PRAME: variants seen among roughly 807,000 people sequenced by gnomAD.
PRAME encodes melanoma antigen preferentially expressed in tumors.
Under a neutral mutation model 32.1 loss-of-function variants are expected in PRAME, and 21 were observed. The ratio of observed to expected loss-of-function variants is 0.65; its 90% CI spans 0.46 to 0.94. The LOEUF (loss-of-function observed/expected upper bound fraction) is 0.94, where lower values mean the gene tolerates loss of function less well. PRAME is among the 40% of genes least tolerant of loss of function. The pLI, the probability that PRAME is intolerant of heterozygous loss-of-function variation, is 0.00. For synonymous variants in PRAME, 274 were observed against 251.5 expected, an observed-to-expected ratio of 1.09 and a Z score of -0.85; for missense variants, 651 against 622.3, an observed-to-expected ratio of 1.05 and a Z score of -0.49.
Position 22,551,076 on chromosome 22 carries a change from CTCTGA to C in PRAME, c.30_34del (p.Ile10MetfsTer27). On this transcript the variant is annotated frameshift_variant, in exon 4 of 6. Coordinates refer to ENST00000405655, the MANE Select transcript of PRAME (RefSeq NM_206956.3). LOFTEE classifies it high-confidence loss of function. ...CCACACACTCATGCTGATGTATCGGCTCTGAATGGAACCCTGAGGAAACATACAGG... is the reference window on the plus strand; with the variant it reads ...CCACACACTCATGCTGATGTATCGGCATGGAACCCTGAGGAAACATACAGG... 6.3e-7 allele frequency: 1 copy of C among 1,578,160 alleles called. No individual in the cohort carries two copies. The highest frequency in any genetic ancestry group is 8.6e-7 in the Non-Finnish European group (1 of 1,157,946).
chr22:22,550,700 C>T, intron 4 of PRAME, 67 bp downstream of exon 4: 1 of 1,488,176 alleles, frequency 6.7e-7, no homozygotes, highest in Non-Finnish European at 9.0e-7. Context: ...GCTCCATGCT[C>T]CCTGACCCCA....
intron 3 of PRAME, among the ~76,000 whole-genome samples, chr22:22,555,324 C>T (rs759391634): frequency 4.6e-5 from 7 of 151,802 alleles, no homozygotes; most frequent in Non-Finnish European, 8.8e-5. Flanking sequence ...GCAACCTCTG[C>T]CTCCTGGGTT....
intron 3 of PRAME, 41 bp downstream of exon 3, chr22:22,556,771 G>C (rs528074721): frequency 1.2e-6 from 2 of 1,611,594 alleles, no homozygotes; most frequent in South Asian, 2.2e-5. Context: ...GGGGAACAGG[G>C]CTTCTCTGAG....
chr22:22,550,170 T>C lies in PRAME; in HGVS notation c.509A>G (p.Gln170Arg). The change falls in exon 5 of 6, where the codon CAG (glutamine) becomes CGG (arginine). Residue 170 changes from glutamine (Q) to arginine (R), a missense_variant. Transcript: ENST00000405655. ...KVDGLSTEAE[Q>R]PFIPVEVLVD... ...GAGCACCTCTACTGGAATGAAGGGC[T>C]GCTCTGCCTCTGTGCTCAAACCATC... 1 of 1,613,920 alleles carries C rather than the reference T, an allele frequency of 6.2e-7. No individual in the cohort carries two copies.
At chr22:22,556,954 T>G in intron 2 of PRAME, 45 bp from the exon 3 acceptor site, 9 of 1,251,224 alleles carry the variant, frequency 7.2e-6, no homozygotes, top group Non-Finnish European at 9.3e-6. Context: ...AATACATGTA[T>G]AATATTTACG....
At chr22:22,557,724 G>A (rs1213021817) in intron 1 of PRAME, 144 bp from the exon 2 acceptor site, 1 of 113,492 alleles carries the variant, frequency 8.8e-6, no homozygotes, top group Non-Finnish European at 1.8e-5. Flanking sequence ...AAAATCTCAC[G>A]AGATCCAGTG....
intron 3 of PRAME, chr22:22,553,952 C>T: frequency 1.0e-6 from 1 of 985,166 alleles, no homozygotes; most frequent in Non-Finnish European, 1.2e-6. Flanking sequence ...AATGTTTCCA[C>T]ACTTCAAGAA....
intron 2 of PRAME, 164 bp from the exon 3 acceptor site, chr22:22,557,073 C>A: frequency 1.7e-6 from 1 of 588,990 alleles, no homozygotes; most frequent in Non-Finnish European, 3.0e-6. Context: ...ACCTGAGCAC[C>A]AGTGTTTCCT....
At chr22:22,554,167 AC>A in intron 3 of PRAME, 1 of 985,116 alleles carries the variant, frequency 1.0e-6, no homozygotes, top group Non-Finnish European at 1.2e-6. Context: ...GGGCCTGATC[AC>A]CCACTGGTGC....
rs2062334283 is a variant in PRAME at position 22,547,754 on chromosome 22, A to C, written c.*313T>G. ...ACAGTTTCTTTACAACAGTCTACAC[A>C]GGGATTAACTCCTACATGTACTTCC... On this transcript the variant is annotated 3_prime_UTR_variant, in exon 6 of 6. Coordinates refer to ENST00000405655, the MANE Select transcript of PRAME (RefSeq NM_206956.3). The C allele has an allele frequency of 5.0e-6, 2 of 402,172 alleles. No homozygotes were observed. The highest frequency in any genetic ancestry group is 4.4e-6 in the Non-Finnish European group (1 of 225,504). The allele number at this position is 402,172 out of a possible 1,614,324, so 24.9% of individuals were successfully genotyped here.
In PRAME at chr22:22,549,855, T is replaced by A. The variant is rs761725191; in HGVS notation, c.824A>T (p.Tyr275Phe). The stretch of plus-strand genomic sequence containing the variant: ...CTGCTCTTCCTTCTCCGGGGAAATG[T>A]AGGAAGATGCATGGATGTGGGAGAG... ...LLLSHIHASS[Y>F]ISPEKEEQYI... The change falls in exon 5 of 6, where the codon TAC (tyrosine) becomes TTC (phenylalanine). Residue 275 changes from tyrosine (Y) to phenylalanine (F), a missense_variant. Transcript: ENST00000405655. The A allele has an allele frequency of 6.8e-6, 11 of 1,613,844 alleles. No homozygotes were observed. The South Asian group carries it at 1.1e-4, about 16-fold the overall frequency.
At chr22:22,555,428 G>A (rs1320280204) in intron 3 of PRAME, among the ~76,000 whole-genome samples, 1 of 151,848 alleles carries the variant, frequency 6.6e-6, no homozygotes, top group Non-Finnish European at 1.5e-5. Flanking sequence ...AGTAGAGATG[G>A]GGTTTCACCA....
rs983545200 is a variant in PRAME at position 22,553,944 on chromosome 22, T to A, written c.22-2855A>T. On this transcript the variant is annotated intron_variant, in intron 3 of 5. Coordinates refer to ENST00000405655, the MANE Select transcript of PRAME (RefSeq NM_206956.3). ...CCAGCCCCTTCCTAAGTATTACTAATGTTTCCACACTTCAAGAAAACAGCT... is the reference window on the plus strand; with the variant it reads ...CCAGCCCCTTCCTAAGTATTACTAAAGTTTCCACACTTCAAGAAAACAGCT... The A allele has an allele frequency of 1.8e-5, 18 of 985,070 alleles. No individual in the cohort carries two copies. The African/African-American group carries it at 3.0e-4, about 16-fold the overall frequency. The allele number at this position is 985,070 out of a possible 1,614,324, so 61.0% of individuals were successfully genotyped here.
Position 22,548,528 on chromosome 22 carries a change from T to G in PRAME, c.1069A>C (p.Ser357Arg), listed in dbSNP as rs1309998050. Residue 357 changes from serine to arginine, a missense_variant, in exon 6 of 6, where the codon AGT becomes CGT. Coordinates refer to ENST00000405655, the MANE Select transcript of PRAME (RefSeq NM_206956.3). ...CTTACATCGGTCAGCATGACCCCAC[T>G]TAGACTCAGGACACTTAGCTGACTG... The part of the protein sequence containing the change: ...SVSQLSVLSL[S>R]GVMLTDVSPE... 5 of 1,613,642 alleles carry G rather than the reference T, an allele frequency of 3.1e-6. No homozygotes were observed. Among genetic ancestry groups the G allele is most frequent in the Non-Finnish European group, 4.2e-6 (5 of 1,179,934 alleles).
chr22:22,555,493 C>T (rs763311422), intron 3 of PRAME, among the ~76,000 whole-genome samples: 2 of 151,888 alleles, frequency 1.3e-5, no homozygotes, highest in African/African-American at 2.4e-5. Flanking sequence ...CTGTCTAGGC[C>T]TCCCAAAGTG....
In PRAME at chr22:22,558,596, C is replaced by T. The variant is rs1002274514; in HGVS notation, c.-114+375G>A. 2.9e-3 allele frequency among the ~76,000 whole-genome samples: 357 copies of T among 124,370 alleles called. 6 individuals are homozygous for T. Among genetic ancestry groups the T allele is most frequent in the Non-Finnish European group, 3.6e-3 (217 of 60,958 alleles). 81.6% of individuals were successfully genotyped at this position (124,370 alleles called of 152,430 possible). ...GGTGAGGGGTGGGGATGGGTGAATA[C>T]GTGATGGCTGCGGCCTTTCCCACCA... On this transcript the variant is annotated intron_variant, in intron 1 of 5. Coordinates refer to ENST00000405655, the MANE Select transcript of PRAME (RefSeq NM_206956.3).
chr22:22,556,327 T>C lies in PRAME; in HGVS notation c.21+485A>G, dbSNP rs113633877. ...CCTGGCCTAGGGTTAATTTTTATTT[T>C]TGGAGACGGAGTCTCGCTCTGTCGC... On this transcript the variant is annotated intron_variant, in intron 3 of 5. Transcript: ENST00000405655. Among the ~76,000 whole-genome samples, 687 of 151,056 alleles carry C rather than the reference T, an allele frequency of 4.5e-3. 5 individuals carry two copies. The highest frequency in any genetic ancestry group is 0.016 in the African/African-American group (649 of 41,082).
In PRAME at chr22:22,548,121, GT is replaced by G; in HGVS notation, c.1475del (p.Asp492AlafsTer34). On this transcript the variant is annotated frameshift_variant, in exon 6 of 6. Transcript: ENST00000405655. LOFTEE classifies it high-confidence loss of function. The part of the protein sequence containing the change: ...LSANPCPHCG[D>X]RTFYDPEPIL... ...TGGGCTCCGGGTCATAGAAGGTTCT[GT>G]CCCCACAGTGAGGACAGGGGTTGGC... The G allele has an allele frequency of 6.2e-7, 1 of 1,613,800 alleles. No individual in the cohort carries two copies. Among genetic ancestry groups the G allele is most frequent in the African/African-American group, 1.3e-5 (1 of 74,980 alleles).
chr22:22,547,944 G>GA lies in PRAME; in HGVS notation c.*122_*123insT. 1 of 1,103,292 alleles carries GA rather than the reference G, an allele frequency of 9.1e-7. No individual in the cohort carries two copies. The highest frequency in any genetic ancestry group is 1.5e-5 in the South Asian group (1 of 64,744). 68.3% of individuals were successfully genotyped at this position (1,103,292 alleles called of 1,614,324 possible). A position where few individuals can be genotyped will look rare whatever the true frequency, so the allele number is the denominator to read the frequency against. On this transcript the variant is annotated 3_prime_UTR_variant, in exon 6 of 6. Coordinates refer to ENST00000405655, the MANE Select transcript of PRAME (RefSeq NM_206956.3). ...TGAATGTTTTTTCCTCACTGAACATGTTTTCCTCACTCACACTGAACATTT... is the reference window on the plus strand; with the variant it reads ...TGAATGTTTTTTCCTCACTGAACATGATTTTCCTCACTCACACTGAACATTT...
Sources: gnomAD v4.1 joint callset for allele counts (sites outside exome capture counted in the v4.1 genomes callset) on GRCh38, gnomAD v4.1.1 for gene constraint, MANE v1.5 for transcripts, NCBI Gene and HGNC (gene_info 2026-07-23, HGNC 2026-07-21) for gene names.